Variants in PCDHA3 observed in about 807,000 individuals in gnomAD.
PCDHA3 encodes the protein protocadherin alpha 3.
PCDHA3 carries 41 observed loss-of-function variants against 62.2 expected under a neutral mutation model. The ratio of observed to expected loss-of-function variants is 0.66; its 90% CI spans 0.51 to 0.86. PCDHA3 has a LOEUF of 0.86. Ranked by LOEUF, PCDHA3 falls within the 40% of genes least tolerant of loss-of-function variation. The pLI, the probability that PCDHA3 is intolerant of heterozygous loss-of-function variation, is 0.00. For synonymous variants in PCDHA3, 640 were observed against 555.4 expected (o/e 1.15, Z -2.14); for missense variants, 1,304 against 1,241.2 (o/e 1.05, Z -0.76).
chr5:140,999,480 A>G, intron 3 of PCDHA3, among the ~76,000 whole-genome samples: 1 of 152,176 alleles, frequency 6.6e-6, no homozygotes, highest in East Asian at 1.9e-4. Flanking sequence ...ATTCCAACTC[A>G]AGTCTATGTT....
intron 1 of PCDHA3, chr5:140,927,853 G>T: frequency 6.2e-7 from 1 of 1,614,214 alleles, no homozygotes; most frequent in Non-Finnish European, 8.5e-7. Context: ...CTTTGGTTTA[G>T]CTAGCACCGC....
intron 1 of PCDHA3, among the ~76,000 whole-genome samples, chr5:140,872,594 T>A (rs1554166277): frequency 1.3e-5 from 2 of 152,130 alleles, no homozygotes; most frequent in African/African-American, 2.4e-5. Context: ...GAGACCCCCA[T>A]CTGAAAAAAT....
intron 1 of PCDHA3, chr5:140,865,596 A>G (rs1309543842): frequency 2.6e-5 from 4 of 152,224 alleles, no homozygotes; most frequent in Admixed American, 2.0e-4. Context: ...CCATTGTTTG[A>G]GCAGTTTATT....
intron 1 of PCDHA3, chr5:140,884,747 T>A: frequency 7.0e-7 from 1 of 1,433,190 alleles, no homozygotes; most frequent in African/African-American, 1.4e-5. Context: ...TCCTGCCAAT[T>A]TCAAATTATT....
chr5:140,927,676 G>A (rs2084491623), intron 1 of PCDHA3: 1 of 1,614,192 alleles, frequency 6.2e-7, no homozygotes, highest in South Asian at 1.1e-5. Flanking sequence ...GGATCCAGAT[G>A]AAGGGTCCAA....
At chr5:140,941,221 T>TTCTTTCTTTCTTTCTTTCTC (rs1563186510) in intron 1 of PCDHA3, among the ~76,000 whole-genome samples, 1 of 131,536 alleles carries the variant, frequency 7.6e-6, no homozygotes, top group Admixed American at 7.9e-5. Context: ...CTTCCTTTCT[T>TTCTTTCTTTCTTTCTTTCTC]TCTTTCTTTC....
chr5:140,971,702 T>G (rs1411821487), intron 1 of PCDHA3, among the ~76,000 whole-genome samples: 6 of 152,138 alleles, frequency 3.9e-5, no homozygotes, highest in African/African-American at 1.4e-4. Flanking sequence ...CTAACCACCC[T>G]GCTATATAGA....
intron 1 of PCDHA3, chr5:140,863,734 C>A: frequency 3.9e-6 from 1 of 256,490 alleles, no homozygotes; most frequent in Non-Finnish European, 7.7e-6. Flanking sequence ...GTAGCTCATG[C>A]CTATTTGTAA....
rs1417954039 is a variant in PCDHA3, at chr5:140,828,944, G to A, written c.2394+25353G>A. The A allele has an allele frequency of 3.7e-6, 6 of 1,614,124 alleles. No homozygotes were observed. In the African/African-American group the frequency reaches 4.0e-5, roughly 11 times the overall value. On this transcript the variant is annotated intron_variant, in intron 1 of 3. Transcript: ENST00000522353. ...AATTTCATATTCTTTTAATAGCCTT[G>A]TTGCAGCCATGGTTATTGACCACTT...
At chr5:140,842,942 G>A in intron 1 of PCDHA3, 1 of 1,594,648 alleles carries the variant, frequency 6.3e-7, no homozygotes, top group Non-Finnish European at 8.6e-7. Flanking sequence ...GCGCGACGCG[G>A]GCGTGCCGCC....
chr5:140,931,047 C>G (rs969815598), intron 1 of PCDHA3, among the ~76,000 whole-genome samples: 5 of 152,166 alleles, frequency 3.3e-5, no homozygotes, highest in African/African-American at 9.6e-5. Context: ...AGAAAAACTT[C>G]AATGCTGTGT....
chr5:140,886,327 A>G (rs2060943233), intron 1 of PCDHA3, among the ~76,000 whole-genome samples: 1 of 152,162 alleles, frequency 6.6e-6, no homozygotes, highest in Admixed American at 6.5e-5. Flanking sequence ...GTTCTGGGAT[A>G]CATGTGCAGA....
At chr5:140,906,257 C>A (rs1394766953) in intron 1 of PCDHA3, among the ~76,000 whole-genome samples, 2 of 152,168 alleles carry the variant, frequency 1.3e-5, no homozygotes, top group Non-Finnish European at 2.9e-5. Flanking sequence ...ATACACACCT[C>A]CTGAAATTAT....
chr5:140,857,965 T>A (rs2045057486), intron 1 of PCDHA3: 1 of 1,597,084 alleles, frequency 6.3e-7, no homozygotes, highest in East Asian at 2.2e-5. Context: ...TGGATGAGAC[T>A]GACTCGCCAC....
chr5:140,871,332 G>T (rs1182944600), intron 1 of PCDHA3: 6 of 1,614,146 alleles, frequency 3.7e-6, no homozygotes, highest in South Asian at 1.1e-5. Flanking sequence ...GCTCCCGCGC[G>T]GTGGGGAGCT....
At chr5:140,806,893 A>C (rs1763807858) in intron 1 of PCDHA3, 1 of 441,892 alleles carries the variant, frequency 2.3e-6, no homozygotes, top group Admixed American at 3.9e-5. Context: ...ATGTATTCCT[A>C]TTCTCCGAAA....
Position 140,829,625 on chromosome 5 carries a change from G to A in PCDHA3, c.2394+26034G>A, listed in dbSNP as rs138462086. 388 of 1,612,150 alleles carry A rather than the reference G, an allele frequency of 2.4e-4. No homozygotes were observed. The highest frequency in any genetic ancestry group is 2.9e-4 in the Non-Finnish European group (345 of 1,179,766). On this transcript the variant is annotated intron_variant, in intron 1 of 3. Coordinates refer to ENST00000522353, the MANE Select transcript of PCDHA3 (RefSeq NM_018906.3). ...GTTGTCGAGCTACATTTCGGTGCAC[G>A]CGGAGAGCGGCAAGGTGTACGCGCT...
intron 1 of PCDHA3, among the ~76,000 whole-genome samples, chr5:140,921,833 T>C (rs1228666561): frequency 1.3e-5 from 2 of 152,094 alleles, no homozygotes; most frequent in Admixed American, 6.6e-5. Flanking sequence ...TATACACATA[T>C]AGACATATTT....
chr5:140,882,369 C>G (rs1554173809), intron 1 of PCDHA3: 4 of 1,614,104 alleles, frequency 2.5e-6, no homozygotes, highest in African/African-American at 1.3e-5. Flanking sequence ...CTCCACTACT[C>G]CGTCCCCGAG....
Sources: allele counts gnomAD v4.1 joint callset (sites outside exome capture counted in the v4.1 genomes callset), GRCh38; gene constraint gnomAD v4.1.1; transcripts MANE v1.5; gene names NCBI Gene and HGNC (gene_info 2026-07-23, HGNC 2026-07-21).